The following SLC9A9 variants were observed in gnomAD, a reference collection of about 807,000 sequenced individuals.
SLC9A9 encodes solute carrier family 9 member A9.
A neutral mutation model predicts 77.8 loss-of-function variants in SLC9A9; 62 were observed. That is an observed-to-expected ratio of 0.80 (90% CI 0.65 to 0.98). The LOEUF (loss-of-function observed/expected upper bound fraction) is 0.98, where lower values mean the gene tolerates loss of function less well. Ranked by LOEUF, SLC9A9 falls within the 50% of genes least tolerant of loss-of-function variation. The pLI, the probability that SLC9A9 is intolerant of heterozygous loss-of-function variation, is 0.00. For missense variants in SLC9A9, 775 were observed against 774.9 expected (o/e 1.00, Z 0.00); for synonymous variants, 320 against 283.5 (o/e 1.13, Z -1.29).
intron 2 of SLC9A9, among the ~76,000 whole-genome samples, chr3:143,804,940 G>T (rs1411568893): frequency 6.6e-6 from 1 of 152,072 alleles, no homozygotes; most frequent in Non-Finnish European, 1.5e-5. Context: ...GAACCGCTGA[G>T]GCCTTGACTT....
rs1447742 is a variant in SLC9A9 at position 143,737,675 on chromosome 3, C to T, written c.534-44368G>A. On this transcript the variant is annotated intron_variant, in intron 4 of 15. Transcript: ENST00000316549. ...GTTTCTTCTAATGTGCTATCCTATA[C>T]TAATGTTTTATATGCAGCTACAGAA... Among the ~76,000 whole-genome samples the T allele has an allele frequency of 8.6e-4, 131 of 152,262 alleles. 3 individuals are homozygous for T. In the East Asian group the frequency reaches 0.024, roughly 28 times the overall value.
intron 12 of SLC9A9, among the ~76,000 whole-genome samples, chr3:143,415,034 A>G (rs374360354): frequency 4.1e-4 from 62 of 152,332 alleles, no homozygotes; most frequent in African/African-American, 1.5e-3. Flanking sequence ...TGGATAGAAG[A>G]TGAAAACAGC....
At chr3:143,381,966 T>C in intron 13 of SLC9A9, 94 bp downstream of exon 13, 2 of 1,425,372 alleles carry the variant, frequency 1.4e-6, no homozygotes, top group Non-Finnish European at 2.0e-6. Context: ...CGTTTAGAAA[T>C]AGCTCCTTGG....
intron 8 of SLC9A9, among the ~76,000 whole-genome samples, chr3:143,556,658 T>G (rs571328682): frequency 6.6e-6 from 1 of 152,330 alleles, no homozygotes; most frequent in Admixed American, 6.5e-5. Flanking sequence ...TACCTCTCTG[T>G]TACCTTTATG....
intron 4 of SLC9A9, among the ~76,000 whole-genome samples, chr3:143,748,262 AC>A (rs1357426874): frequency 1.3e-5 from 2 of 152,070 alleles, no homozygotes; most frequent in African/African-American, 2.4e-5. Flanking sequence ...CTTATCCGGG[AC>A]CCCACAAATA....
At chr3:143,330,971 C>G (rs533751299) in intron 14 of SLC9A9, among the ~76,000 whole-genome samples, 1 of 152,166 alleles carries the variant, frequency 6.6e-6, no homozygotes, top group East Asian at 1.9e-4. Context: ...CACAAGGAAT[C>G]GAGAAATCTT....
intron 6 of SLC9A9, among the ~76,000 whole-genome samples, chr3:143,584,202 G>A (rs557843129): frequency 5.9e-5 from 9 of 152,120 alleles, no homozygotes; most frequent in African/African-American, 9.7e-5. Context: ...AGGTCTCCTA[G>A]TTTCCAACAC....
intron 8 of SLC9A9, among the ~76,000 whole-genome samples, chr3:143,565,196 T>C (rs2037149011): frequency 6.6e-6 from 1 of 152,168 alleles, no homozygotes; most frequent in South Asian, 2.1e-4. Context: ...GTGTCTCCTT[T>C]TGGCGCATGT....
intron 2 of SLC9A9, among the ~76,000 whole-genome samples, chr3:143,802,111 C>T (rs1365114986): frequency 1.3e-5 from 2 of 152,160 alleles, no homozygotes; most frequent in Non-Finnish European, 2.9e-5. Context: ...TCCTTCTCAT[C>T]GGTCACTTCC....
At chr3:143,575,147 A>C (rs2037336654) in intron 7 of SLC9A9, among the ~76,000 whole-genome samples, 1 of 152,210 alleles carries the variant, frequency 6.6e-6, no homozygotes, top group African/African-American at 2.4e-5. Context: ...AACCTCTCTG[A>C]GCCTCATTTC....
At chr3:143,743,253 A>G (rs537358032) in intron 4 of SLC9A9, among the ~76,000 whole-genome samples, 152 of 124,006 alleles carry the variant, frequency 1.2e-3, no homozygotes, top group African/African-American at 3.6e-3. Context: ...ATAGATAGAT[A>G]GATAGATAGA....
rs548714095 is a variant in SLC9A9 at position 143,656,879 on chromosome 3, G to A, written c.650-4519C>T. On this transcript the variant is annotated intron_variant, in intron 5 of 15. Transcript: ENST00000316549. ...GTAGAACCTTGGTATTCTCATAAAC[G>A]AGGTAGCATTTTTCCATTTCCAAAA... Among the ~76,000 whole-genome samples, 35 of 152,218 alleles carry A rather than the reference G, an allele frequency of 2.3e-4. No individual in the cohort carries two copies. The East Asian group carries it at 3.9e-3, about 17-fold the overall frequency.
chr3:143,753,703 G>C (rs1334669837), intron 4 of SLC9A9, among the ~76,000 whole-genome samples: 2 of 152,088 alleles, frequency 1.3e-5, no homozygotes, highest in East Asian at 3.9e-4. Context: ...AGCATGGAGG[G>C]GACTTAGTCC....
intron 6 of SLC9A9, among the ~76,000 whole-genome samples, chr3:143,615,787 G>C (rs954985584): frequency 1.3e-5 from 2 of 152,140 alleles, no homozygotes; most frequent in Non-Finnish European, 2.9e-5. Context: ...GAGGAAAATA[G>C]GTGCTCAGGG....
intron 12 of SLC9A9, among the ~76,000 whole-genome samples, chr3:143,443,469 T>G (rs938335986): frequency 1.3e-5 from 2 of 152,170 alleles, no homozygotes; most frequent in African/African-American, 4.8e-5. Context: ...CCTGAGGTGC[T>G]TCTGTGAAGG....
rs145331536 is a variant in SLC9A9 at position 143,572,993 on chromosome 3, C to T, written c.1000+1095G>A. Reference sequence around the variant, plus strand: ...TTTGAGGTAGAAATGCGTGGTCCCCCAGAACCCAGGCTCTAAAATTGAATT... The same window carrying T: ...TTTGAGGTAGAAATGCGTGGTCCCCTAGAACCCAGGCTCTAAAATTGAATT... On this transcript the variant is annotated intron_variant, in intron 8 of 15. Transcript: ENST00000316549. 1.9e-3 allele frequency among the ~76,000 whole-genome samples: 292 copies of T among 152,246 alleles called. 6 individuals carry two copies. In the East Asian group the frequency reaches 0.05, roughly 26 times the overall value.
At chr3:143,670,243 C>G (rs550079834) in intron 5 of SLC9A9, among the ~76,000 whole-genome samples, 1 of 152,212 alleles carries the variant, frequency 6.6e-6, no homozygotes, top group Non-Finnish European at 1.5e-5. Context: ...ATGGGTCTCA[C>G]TCCAAACTCC....
chr3:143,619,833 C>G (rs7650491), intron 6 of SLC9A9, among the ~76,000 whole-genome samples: 1 of 152,164 alleles, frequency 6.6e-6, no homozygotes, highest in African/African-American at 2.4e-5. Context: ...TAATAAATAC[C>G]ATTTTCATCA....
intron 5 of SLC9A9, among the ~76,000 whole-genome samples, chr3:143,678,682 G>C (rs2108771324): frequency 2.0e-5 from 3 of 152,214 alleles, no homozygotes; most frequent in Non-Finnish European, 4.4e-5. Flanking sequence ...GATTATAATG[G>C]CATTGTAGTA....
Sources: allele counts gnomAD v4.1 joint callset (sites outside exome capture counted in the v4.1 genomes callset), GRCh38; gene constraint gnomAD v4.1.1; transcripts MANE v1.5; gene names NCBI Gene and HGNC (gene_info 2026-07-23, HGNC 2026-07-21).